Variants in TMEM245 observed in about 807,000 individuals in gnomAD.
The protein encoded by TMEM245 is transmembrane protein 245.
TMEM245 carries 69 observed loss-of-function variants against 101.2 expected under a neutral mutation model. That is an observed-to-expected ratio of 0.68 (90% confidence interval 0.56 to 0.83). The LOEUF is 0.83. Among genes scored for constraint, TMEM245 ranks in the 40% least tolerant of loss-of-function variants. The pLI, the probability that TMEM245 is intolerant of heterozygous loss-of-function variation, is 0.00. For missense variants in TMEM245, 1,075 were observed against 1,092.8 expected, an observed-to-expected ratio of 0.98 and a Z score of 0.23; for synonymous variants, 537 against 449.8, an observed-to-expected ratio of 1.19 and a Z score of -2.45.
chr9:109,071,588 A>G (rs1057358972), intron 9 of TMEM245, among the ~76,000 whole-genome samples: 4 of 150,100 alleles, frequency 2.7e-5, no homozygotes, highest in African/African-American at 9.8e-5. Flanking sequence ...TGGGTGACAG[A>G]GCAAGACCCT....
intron 3 of TMEM245, among the ~76,000 whole-genome samples, chr9:109,101,314 A>G (rs1309688205): frequency 6.6e-6 from 1 of 152,112 alleles, no homozygotes; most frequent in Non-Finnish European, 1.5e-5. Context: ...AAGTGATACA[A>G]CGGGACACTG....
intron 3 of TMEM245, among the ~76,000 whole-genome samples, chr9:109,104,016 T>C (rs920634593): frequency 6.6e-6 from 1 of 151,490 alleles, no homozygotes; most frequent in Non-Finnish European, 1.5e-5. Flanking sequence ...ACCCAGGAGG[T>C]GGAGGCTGCA....
chr9:109,038,357 A>T (rs1413485457), intron 14 of TMEM245: 1 of 306,284 alleles, frequency 3.3e-6, no homozygotes, highest in Non-Finnish European at 5.9e-6. Flanking sequence ...ACTATTCCTT[A>T]AATTTCTGAT....
rs1288198990 is a variant in TMEM245 at position 109,119,353 on chromosome 9, G to C, written c.561C>G (p.Asp187Glu). The C allele has an allele frequency of 3.3e-6, 5 of 1,531,950 alleles. No individual in the cohort carries two copies. The highest frequency in any genetic ancestry group is 4.4e-6 in the Non-Finnish European group (5 of 1,143,386). 94.9% of individuals were successfully genotyped at this position (1,531,950 alleles called of 1,614,324 possible). Residue 187 changes from aspartate to glutamate, a missense_variant, in exon 1 of 18, where the codon GAC becomes GAG. By Grantham distance (45) the Asp-to-Glu change is conservative. Transcript: ENST00000374586. ...HAATLICRGL[D>E]YFSSLWIWTL... ...CACTCACCCACAGGCTGCTGAAGTA[G>C]TCCAGCCCGCGGCAGATGAGCGTGG...
chr9:109,054,616 A>G (rs1828779986), intron 12 of TMEM245, among the ~76,000 whole-genome samples: 1 of 152,048 alleles, frequency 6.6e-6, no homozygotes, highest in African/African-American at 2.4e-5. Flanking sequence ...AACAATATCC[A>G]AAAAACAAAA....
chr9:109,092,779 G>A (rs369501775), intron 4 of TMEM245, among the ~76,000 whole-genome samples: 3 of 152,144 alleles, frequency 2.0e-5, no homozygotes, highest in African/African-American at 7.2e-5. Flanking sequence ...AACTCTGCAA[G>A]AGTACAGCAT....
chr9:109,106,403 T>C lies in TMEM245; in HGVS notation c.799+105A>G, dbSNP rs371093231. On this transcript the variant is annotated intron_variant, in intron 3 of 17. Coordinates refer to ENST00000374586, the MANE Select transcript of TMEM245 (RefSeq NM_032012.4). ...TTTATTTTCCACTCAGAAACCATCA[T>C]AGGTTTTTAAATAGATTCAAAGCTG... is the stretch of plus-strand genomic sequence containing the variant. 6.4e-4 allele frequency: 392 copies of C among 612,248 alleles called. 8 individuals are homozygous for C. In the South Asian group the frequency reaches 0.015, roughly 24 times the overall value. 37.9% of individuals were successfully genotyped at this position (612,248 alleles called of 1,614,324 possible).
At position 109,115,400 on chromosome 9, in the gene TMEM245, T is replaced by C. The variant is rs181212204; in HGVS notation, c.579+3935A>G. Among the ~76,000 whole-genome samples the C allele has an allele frequency of 2.0e-3, 297 of 150,900 alleles. 2 individuals carry two copies. The highest frequency in any genetic ancestry group is 6.5e-3 in the African/African-American group (265 of 41,042). ...GTCCCAAAGACACTAAAAAGGAAAATTGATGGGACCTGGAAAACTGCATAG... is the reference window on the plus strand; with the variant it reads ...GTCCCAAAGACACTAAAAAGGAAAACTGATGGGACCTGGAAAACTGCATAG... On this transcript the variant is annotated intron_variant, in intron 1 of 17. Transcript: ENST00000374586.
chr9:109,038,713 A>T (rs1292466861), intron 14 of TMEM245: 1 of 152,272 alleles, frequency 6.6e-6, no homozygotes, highest in Admixed American at 6.5e-5. Context: ...TGTGGGAAAA[A>T]AAATATTCCT....
At chr9:109,106,255 A>T (rs1830420457) in intron 3 of TMEM245, among the ~76,000 whole-genome samples, 1 of 151,636 alleles carries the variant, frequency 6.6e-6, no homozygotes, top group Admixed American at 6.6e-5. Flanking sequence ...TTTATTTTAT[A>T]AAAATAAAAT....
At chr9:109,060,204 A>G in intron 11 of TMEM245, 150 bp downstream of exon 11, 2 of 587,574 alleles carry the variant, frequency 3.4e-6, no homozygotes, top group Admixed American at 3.2e-5. Flanking sequence ...ATCAACTCAC[A>G]CTGACTTTTA....
chr9:109,039,442 T>C (rs949955350), intron 14 of TMEM245: 1 of 152,074 alleles, frequency 6.6e-6, no homozygotes, highest in South Asian at 2.1e-4. Context: ...GGGGAAAGAA[T>C]AGCAGTGTCT....
chr9:109,108,361 C>T (rs1018644633), intron 2 of TMEM245, 92 bp downstream of exon 2: 2 of 548,820 alleles, frequency 3.6e-6, no homozygotes, highest in African/African-American at 2.0e-5. Context: ...CAACATATGA[C>T]ACTACAAAAA....
intron 1 of TMEM245, among the ~76,000 whole-genome samples, chr9:109,116,792 T>A (rs1489993039): frequency 1.3e-5 from 2 of 152,086 alleles, no homozygotes; most frequent in Non-Finnish European, 2.9e-5. Context: ...CCTCCCAAAG[T>A]GCTGGGACTA....
intron 9 of TMEM245, among the ~76,000 whole-genome samples, chr9:109,068,124 T>G (rs998579287): frequency 6.6e-6 from 1 of 152,050 alleles, no homozygotes; most frequent in Non-Finnish European, 1.5e-5. Flanking sequence ...TCCCAGCACT[T>G]TGGTAGGCCG....
At chr9:109,094,262 T>G (rs1830082028) in intron 3 of TMEM245, among the ~76,000 whole-genome samples, 1 of 152,206 alleles carries the variant, frequency 6.6e-6, no homozygotes, top group African/African-American at 2.4e-5. Context: ...TAACCTTCTA[T>G]AGCAGACAAG....
At chr9:109,105,962 C>T (rs1057425819) in intron 3 of TMEM245, among the ~76,000 whole-genome samples, 12 of 152,062 alleles carry the variant, frequency 7.9e-5, no homozygotes, top group African/African-American at 2.7e-4. Context: ...TTAGTAGAGA[C>T]GGGGTTTCAC....
At chr9:109,081,494 T>C (rs908652639) in intron 7 of TMEM245, among the ~76,000 whole-genome samples, 16 of 152,142 alleles carry the variant, frequency 1.1e-4, no homozygotes, top group African/African-American at 3.9e-4. Flanking sequence ...TAAAAAAATC[T>C]AATGTTAAGG....
chr9:109,026,715 A>T (rs1309800632), intron 17 of TMEM245, among the ~76,000 whole-genome samples: 1 of 150,924 alleles, frequency 6.6e-6, no homozygotes, highest in African/African-American at 2.4e-5. Flanking sequence ...TGTGATCCCT[A>T]ATGTTGAAGG....
Sources: gnomAD v4.1 joint callset for allele counts (sites outside exome capture counted in the v4.1 genomes callset) on GRCh38, gnomAD v4.1.1 for gene constraint, MANE v1.5 for transcripts, NCBI Gene and HGNC (gene_info 2026-07-23, HGNC 2026-07-21) for gene names.